NRXN3: variants seen among roughly 807,000 people sequenced by gnomAD.
The protein encoded by NRXN3 is neurexin III.
Under a neutral mutation model 137.6 loss-of-function variants are expected in NRXN3, and 32 were observed. The ratio of observed to expected loss-of-function variants is 0.23; its 90% CI spans 0.18 to 0.31. The LOEUF (loss-of-function observed/expected upper bound fraction) is 0.31. NRXN3 is among the 10% of genes least tolerant of loss of function. The pLI is 1.00. For synonymous variants in NRXN3, 798 were observed against 784.5 expected, an observed-to-expected ratio of 1.02 and a Z score of -0.29; for missense variants, 1,574 against 2,062.5, an observed-to-expected ratio of 0.76 and a Z score of 4.59.
chr14:79,186,119 G>C (rs2063512902), intron 15 of NRXN3, among the ~76,000 whole-genome samples: 1 of 152,050 alleles, frequency 6.6e-6, no homozygotes, highest in African/African-American at 2.4e-5. Context: ...AAAATAGTTA[G>C]AATAGTATTT....
chr14:78,864,411 G>A (rs976411261), intron 10 of NRXN3, among the ~76,000 whole-genome samples: 1 of 152,052 alleles, frequency 6.6e-6, no homozygotes, highest in Non-Finnish European at 1.5e-5. Context: ...AGAATTATAT[G>A]AGATAATGCA....
At chr14:79,360,612 C>G (rs193016558) in intron 15 of NRXN3, among the ~76,000 whole-genome samples, 5 of 152,274 alleles carry the variant, frequency 3.3e-5, no homozygotes, top group Admixed American at 3.3e-4. Flanking sequence ...CGTGGCCGAG[C>G]AAGCTTTGGA....
At chr14:79,582,592 T>G (rs1199261829) in intron 16 of NRXN3, among the ~76,000 whole-genome samples, 3 of 151,894 alleles carry the variant, frequency 2.0e-5, no homozygotes, top group Non-Finnish European at 4.4e-5. Flanking sequence ...AGCAATTTTT[T>G]TTTTTTCTAG....
chr14:79,755,250 A>T (rs1603464737), intron 19 of NRXN3, among the ~76,000 whole-genome samples: 1 of 152,180 alleles, frequency 6.6e-6, no homozygotes, highest in African/African-American at 2.4e-5. Context: ...TGTAAATGCT[A>T]TGTAAATGCC....
At chr14:78,840,535 G>A (rs930962233) in intron 10 of NRXN3, among the ~76,000 whole-genome samples, 2 of 152,260 alleles carry the variant, frequency 1.3e-5, no homozygotes. Context: ...CTAGCAGAAT[G>A]GAGTTTATTT....
chr14:79,265,281 A>G (rs1209180433), intron 15 of NRXN3, among the ~76,000 whole-genome samples: 1 of 134,172 alleles, frequency 7.5e-6, no homozygotes, highest in Admixed American at 8.1e-5. Context: ...TTCTTTAACT[A>G]TAATGGAGGA....
chr14:79,194,529 G>A (rs969438991), intron 15 of NRXN3, among the ~76,000 whole-genome samples: 1 of 152,154 alleles, frequency 6.6e-6, no homozygotes, highest in Non-Finnish European at 1.5e-5. Flanking sequence ...AGGCTGGCTG[G>A]TGCTATAAAG....
rs5809941 is a variant in NRXN3 at position 79,542,891 on chromosome 14, G to GA, written c.3444+75500dup. Among the ~76,000 whole-genome samples, 477 of 148,360 alleles carry GA rather than the reference G, an allele frequency of 3.2e-3. 3 individuals carry two copies. The highest frequency in any genetic ancestry group is 0.011 in the African/African-American group (450 of 39,538). ...GTGAGTGACTTTTTTGGTGTGGCAA[G>GA]AAAAAAAAAAAGTAAAGTTTGATAT... On this transcript the variant is annotated intron_variant, in intron 16 of 20. Coordinates refer to ENST00000335750, the MANE Select transcript of NRXN3 (RefSeq NM_001330195.2).
chr14:79,410,634 G>A (rs1599872794), intron 15 of NRXN3, among the ~76,000 whole-genome samples: 1 of 151,922 alleles, frequency 6.6e-6, no homozygotes, highest in East Asian at 1.9e-4. Flanking sequence ...ACTTCTCTGT[G>A]CCTTACTTTT....
At chr14:79,210,179 T>A (rs909824740) in intron 15 of NRXN3, among the ~76,000 whole-genome samples, 2 of 152,204 alleles carry the variant, frequency 1.3e-5, no homozygotes, top group Admixed American at 6.5e-5. Context: ...AGCAGAGCTA[T>A]TAAAGATCCT....
At chr14:79,573,644 T>G (rs78156563) in intron 16 of NRXN3, among the ~76,000 whole-genome samples, 9,427 of 152,220 alleles carry the variant, frequency 0.062, 372 homozygotes, top group Middle Eastern at 0.13. Flanking sequence ...TTTTGTGCAT[T>G]GCTTTCTTAA....
At chr14:79,021,427 T>C (rs1280430797) in intron 15 of NRXN3, among the ~76,000 whole-genome samples, 1 of 152,216 alleles carries the variant, frequency 6.6e-6, no homozygotes, top group African/African-American at 2.4e-5. Flanking sequence ...TGCATTTTAA[T>C]AAGCTTCAAT....
chr14:78,671,845 C>G (rs1318020021), intron 6 of NRXN3, among the ~76,000 whole-genome samples: 1 of 152,190 alleles, frequency 6.6e-6, no homozygotes, highest in African/African-American at 2.4e-5. Context: ...GCAAATGGAA[C>G]ACAAACCTCA....
chr14:78,532,116 C>T (rs1410988826), intron 4 of NRXN3, among the ~76,000 whole-genome samples: 5 of 144,406 alleles, frequency 3.5e-5, no homozygotes, highest in African/African-American at 1.3e-4. Context: ...ACTAGCCTGA[C>T]CAACATGGAG....
At chr14:79,323,779 A>G (rs544518071) in intron 15 of NRXN3, among the ~76,000 whole-genome samples, 13 of 152,280 alleles carry the variant, frequency 8.5e-5, no homozygotes, top group Admixed American at 3.3e-4. Flanking sequence ...GAATCACTTG[A>G]ACCAGGAGGC....
chr14:79,656,989 C>T (rs538801250), intron 16 of NRXN3, among the ~76,000 whole-genome samples: 38 of 152,148 alleles, frequency 2.5e-4, no homozygotes, highest in African/African-American at 8.9e-4. Context: ...TGTGCAAATG[C>T]CTCTGACTCA....
At chr14:79,808,839 G>T (rs893501033) in intron 20 of NRXN3, among the ~76,000 whole-genome samples, 2 of 151,986 alleles carry the variant, frequency 1.3e-5, no homozygotes, top group African/African-American at 4.8e-5. Flanking sequence ...TTAAACTGCT[G>T]GTTTTGAGTT....
chr14:78,938,497 C>T (rs2099346293), intron 10 of NRXN3, among the ~76,000 whole-genome samples: 1 of 152,178 alleles, frequency 6.6e-6, no homozygotes, highest in South Asian at 2.1e-4. Context: ...TGCAAACTCT[C>T]CTGACACCAT....
At chr14:78,954,560 G>A (rs2099393024) in intron 10 of NRXN3, among the ~76,000 whole-genome samples, 1 of 151,912 alleles carries the variant, frequency 6.6e-6, no homozygotes, top group Non-Finnish European at 1.5e-5. Flanking sequence ...TGCCTCCCTG[G>A]TTCACTCCAT....
Sources: allele counts gnomAD v4.1 joint callset (sites outside exome capture counted in the v4.1 genomes callset), GRCh38; gene constraint gnomAD v4.1.1; transcripts MANE v1.5; gene names NCBI Gene and HGNC (gene_info 2026-07-23, HGNC 2026-07-21).